Variants in CSMD1 observed in about 807,000 individuals in gnomAD.
The protein encoded by CSMD1 is CUB and sushi domain-containing protein 1.
CSMD1 carries 213 observed loss-of-function variants against 417.5 expected under a neutral mutation model. The ratio of observed to expected loss-of-function variants is 0.51; its 90% CI spans 0.46 to 0.57. CSMD1 has a LOEUF of 0.57. Ranked by LOEUF, CSMD1 falls within the 20% of genes least tolerant of loss-of-function variation. The probability of loss-of-function intolerance (pLI) is 0.00; values close to 1 mark genes in which losing one functional copy is unlikely to be tolerated. For missense variants in CSMD1, 6,923 were observed against 4,529.7 expected (o/e 1.53, Z -15.17); for synonymous variants, 2,862 against 1,736.8 (o/e 1.65, Z -16.11).
At chr8:3,758,913 G>C (rs191466346) in intron 5 of CSMD1, among the ~76,000 whole-genome samples, 1 of 152,164 alleles carries the variant, frequency 6.6e-6, no homozygotes, top group East Asian at 1.9e-4. Context: ...GGAGGACAAG[G>C]TTCCAGGTAG....
chr8:4,548,531 G>A (rs904736331), intron 2 of CSMD1, among the ~76,000 whole-genome samples: 32 of 152,024 alleles, frequency 2.1e-4, no homozygotes, highest in Non-Finnish European at 3.5e-4. Context: ...AAAAATGAAT[G>A]CCTTTCATGT....
intron 1 of CSMD1, among the ~76,000 whole-genome samples, chr8:4,949,987 A>C (rs75096153): frequency 6.6e-6 from 1 of 152,084 alleles, no homozygotes; most frequent in Non-Finnish European, 1.5e-5. Context: ...TTTTTTATCT[A>C]ATTGGTCACG....
chr8:3,164,890 T>C (rs1402602449), intron 37 of CSMD1, among the ~76,000 whole-genome samples: 2 of 152,176 alleles, frequency 1.3e-5, no homozygotes, highest in African/African-American at 2.4e-5. Context: ...TATTGATTTA[T>C]ATGCAGTTAT....
chr8:3,376,460 A>C (rs1440637753), intron 18 of CSMD1, among the ~76,000 whole-genome samples: 2 of 152,058 alleles, frequency 1.3e-5, no homozygotes, highest in East Asian at 3.8e-4. Context: ...ATAATAAAAA[A>C]GATAATTAAA....
chr8:4,905,646 C>A (rs931731435), intron 1 of CSMD1, among the ~76,000 whole-genome samples: 2 of 151,424 alleles, frequency 1.3e-5, no homozygotes, highest in Non-Finnish European at 2.9e-5. Context: ...GGTGAAACCC[C>A]GTCTCTACTA....
rs1172600205 is a variant in CSMD1 at position 4,578,332 on chromosome 8, A to ATTTTTTTTTTTTT, written c.302+58997_302+59009dup. Among the ~76,000 whole-genome samples, 71 of 48,764 alleles carry ATTTTTTTTTTTTT rather than the reference A, an allele frequency of 1.5e-3. 8 individuals carry two copies. The highest frequency in any genetic ancestry group is 2.8e-3 in the South Asian group (2 of 726). The allele number at this position is 48,764 out of a possible 152,430, so 32.0% of individuals were successfully genotyped here. On this transcript the variant is annotated intron_variant, in intron 2 of 69. Coordinates refer to ENST00000635120, the MANE Select transcript of CSMD1 (RefSeq NM_033225.6). ...AGGCACCTGCCACGACACCCGGCTCATTTTTTTTTTTTTTTTTTTTTTTTT... is the reference window on the plus strand; with the variant it reads ...AGGCACCTGCCACGACACCCGGCTCATTTTTTTTTTTTTTTTTTTTTTTTTTTTTTTTTTTTTT...
intron 3 of CSMD1, among the ~76,000 whole-genome samples, chr8:4,076,148 G>A (rs1438143064): frequency 3.9e-5 from 6 of 152,148 alleles, no homozygotes; most frequent in Non-Finnish European, 8.8e-5. Context: ...ACTGAATCAT[G>A]CGTGTGGTTG....
chr8:3,310,483 CCACCTCCCTATTAATAA>C (rs1176109797), intron 23 of CSMD1, among the ~76,000 whole-genome samples: 1 of 152,146 alleles, frequency 6.6e-6, no homozygotes, highest in African/African-American at 2.4e-5. Flanking sequence ...CACTTGGAGT[CCACCTCCCTATTAATAA>C]CAAACAATCT....
At chr8:2,972,601 C>G (rs146471093) in intron 57 of CSMD1, among the ~76,000 whole-genome samples, 1 of 152,266 alleles carries the variant, frequency 6.6e-6, no homozygotes, top group African/African-American at 2.4e-5. Context: ...CCACTTCCTA[C>G]GATGCCTCTC....
intron 12 of CSMD1, among the ~76,000 whole-genome samples, chr8:3,459,466 C>G (rs927874839): frequency 6.6e-6 from 1 of 152,180 alleles, no homozygotes; most frequent in Non-Finnish European, 1.5e-5. Context: ...GAATCTCCGT[C>G]TATGAAGACC....
intron 5 of CSMD1, among the ~76,000 whole-genome samples, chr8:3,940,158 C>T (rs919273022): frequency 1.3e-5 from 2 of 151,998 alleles, no homozygotes; most frequent in Admixed American, 6.6e-5. Context: ...TTAAGCTTGT[C>T]ATTGTGTTTC....
At position 3,296,127 on chromosome 8, in the gene CSMD1, G is replaced by C. The variant is rs556533298; in HGVS notation, c.3950+11568C>G. Among the ~76,000 whole-genome samples the C allele has an allele frequency of 1.1e-3, 166 of 152,112 alleles. 2 individuals carry two copies. Among genetic ancestry groups the C allele is most frequent in the Middle Eastern group, 3.4e-3 (1 of 294 alleles). On this transcript the variant is annotated intron_variant, in intron 25 of 69. Coordinates refer to ENST00000635120, the MANE Select transcript of CSMD1 (RefSeq NM_033225.6). ...AGAAATAAAAAAGTAGACAGGAAAA[G>C]AATCACTGGGATACTAATTCTTAGG...
At chr8:3,320,296 C>G (rs1158423881) in intron 23 of CSMD1, among the ~76,000 whole-genome samples, 1 of 152,270 alleles carries the variant, frequency 6.6e-6, no homozygotes, top group Non-Finnish European at 1.5e-5. Context: ...CTGTCCCGGA[C>G]TCAGCCCTCA....
intron 3 of CSMD1, among the ~76,000 whole-genome samples, chr8:4,186,900 G>T (rs1798711011): frequency 1.3e-5 from 2 of 151,920 alleles, no homozygotes; most frequent in Non-Finnish European, 2.9e-5. Flanking sequence ...GGAGGCTGAG[G>T]CAGGAGAATC....
intron 1 of CSMD1, among the ~76,000 whole-genome samples, chr8:4,679,990 G>T (rs772818057): frequency 6.6e-6 from 1 of 152,140 alleles, no homozygotes; most frequent in Non-Finnish European, 1.5e-5. Flanking sequence ...AGCGATAACA[G>T]CTTGTAATTT....
chr8:4,122,980 T>C (rs1227601933), intron 3 of CSMD1, among the ~76,000 whole-genome samples: 4 of 152,212 alleles, frequency 2.6e-5, no homozygotes, highest in East Asian at 1.9e-4. Context: ...ACGGTGATAA[T>C]TGGCAAAGAC....
intron 1 of CSMD1, among the ~76,000 whole-genome samples, chr8:4,808,869 T>C (rs79281315): frequency 0.068 from 10,398 of 152,284 alleles, 602 homozygotes; most frequent in East Asian, 0.24. Flanking sequence ...CTCCAACAAG[T>C]CTGGATCCAA....
chr8:4,723,635 G>C (rs1356225856), intron 1 of CSMD1, among the ~76,000 whole-genome samples: 2 of 151,976 alleles, frequency 1.3e-5, no homozygotes, highest in South Asian at 2.1e-4. Flanking sequence ...AGTTTGTTTA[G>C]CTAATGACCT....
At chr8:3,681,948 C>T (rs1343186453) in intron 7 of CSMD1, among the ~76,000 whole-genome samples, 2 of 152,158 alleles carry the variant, frequency 1.3e-5, no homozygotes, top group African/African-American at 4.8e-5. Context: ...GGAAAGGATT[C>T]CCTATTCAAC....
Sources: gnomAD v4.1 joint callset for allele counts (sites outside exome capture counted in the v4.1 genomes callset) on GRCh38, gnomAD v4.1.1 for gene constraint, MANE v1.5 for transcripts, NCBI Gene and HGNC (gene_info 2026-07-23, HGNC 2026-07-21) for gene names.